RASGRF2: variants seen among roughly 807,000 people sequenced by gnomAD.
The protein encoded by RASGRF2 is Ras protein specific guanine nucleotide releasing factor 2, also known as ras-specific guanine nucleotide-releasing factor 2.
RASGRF2 carries 76 observed loss-of-function variants against 151.0 expected under a neutral mutation model. The ratio of observed to expected loss-of-function variants is 0.50; its 90% CI spans 0.42 to 0.61. RASGRF2 has a LOEUF of 0.61. Ranked by LOEUF, RASGRF2 falls within the 20% of genes least tolerant of loss-of-function variation. The probability of loss-of-function intolerance (pLI) is 0.00; values close to 1 mark genes in which losing one functional copy is unlikely to be tolerated. For missense variants in RASGRF2, 1,148 were observed against 1,564.6 expected (o/e 0.73, Z 4.49); for synonymous variants, 504 against 566.5 (o/e 0.89, Z 1.57).
At chr5:81,061,592 C>G (rs957974941) in intron 2 of RASGRF2, among the ~76,000 whole-genome samples, 2 of 151,090 alleles carry the variant, frequency 1.3e-5, no homozygotes, top group South Asian at 2.1e-4. Flanking sequence ...ACTGCAGCTT[C>G]AAAATCCTGG....
At chr5:81,134,898 A>C (rs1753716422) in intron 17 of RASGRF2, among the ~76,000 whole-genome samples, 1 of 152,194 alleles carries the variant, frequency 6.6e-6, no homozygotes, top group Non-Finnish European at 1.5e-5. Flanking sequence ...ATCATGTTAG[A>C]AAATCTTTTT....
chr5:81,135,945 T>C (rs1003592663), intron 17 of RASGRF2, among the ~76,000 whole-genome samples: 4 of 152,202 alleles, frequency 2.6e-5, no homozygotes, highest in Non-Finnish European at 5.9e-5. Context: ...GTAGTCCCAA[T>C]TCTTCCCTTG....
Position 81,112,295 on chromosome 5 carries a change from C to T in RASGRF2, c.1839-315C>T, listed in dbSNP as rs116039436. 3.7e-3 allele frequency among the ~76,000 whole-genome samples: 570 copies of T among 152,220 alleles called. 6 individuals carry two copies. The highest frequency in any genetic ancestry group is 0.012 in the African/African-American group (503 of 41,522). ...TTTTAAAATACAGGATAACGTTTTA[C>T]GTAATATTCACATTGTTTTAAGTAT... On this transcript the variant is annotated intron_variant, in intron 13 of 26. Transcript: ENST00000265080.
At chr5:81,007,208 G>A (rs1191984051) in intron 1 of RASGRF2, among the ~76,000 whole-genome samples, 2 of 152,202 alleles carry the variant, frequency 1.3e-5, no homozygotes, top group East Asian at 3.9e-4. Context: ...CCTGCAGAAG[G>A]TGAAGGGGAG....
intron 1 of RASGRF2, among the ~76,000 whole-genome samples, chr5:81,038,792 T>C (rs2112385260): frequency 6.6e-6 from 1 of 152,186 alleles, no homozygotes; most frequent in South Asian, 2.1e-4. Context: ...CCCAGGCTGG[T>C]CTCAAGCTCC....
intron 18 of RASGRF2, among the ~76,000 whole-genome samples, chr5:81,189,608 C>G (rs1450738900): frequency 4.0e-5 from 6 of 151,752 alleles, no homozygotes; most frequent in Admixed American, 3.9e-4. Context: ...ATCCTTCCAC[C>G]TCCGCCTCCC....
chr5:81,207,018 A>AATACTGTCC, intron 20 of RASGRF2, 113 bp downstream of exon 20: 3 of 967,764 alleles, frequency 3.1e-6, no homozygotes, highest in Non-Finnish European at 4.9e-6. Context: ...CCTCTGTCCT[A>AATACTGTCC]TCTGTGAAGC....
intron 1 of RASGRF2, among the ~76,000 whole-genome samples, chr5:80,983,949 A>G (rs887571128): frequency 2.0e-5 from 3 of 152,192 alleles, no homozygotes; most frequent in African/African-American, 7.2e-5. Flanking sequence ...TGTGGTGCGT[A>G]TTATATTTCT....
chr5:81,018,556 T>C (rs1044486924), intron 1 of RASGRF2, among the ~76,000 whole-genome samples: 2 of 152,180 alleles, frequency 1.3e-5, no homozygotes, highest in Non-Finnish European at 2.9e-5. Context: ...TACTGAGATA[T>C]GTGAAGATTA....
At chr5:81,185,872 T>C (rs571384555) in intron 18 of RASGRF2, among the ~76,000 whole-genome samples, 5 of 152,206 alleles carry the variant, frequency 3.3e-5, no homozygotes, top group Non-Finnish European at 7.3e-5. Context: ...ACACCATTCT[T>C]ATAAGCAAAA....
Position 81,042,921 on chromosome 5 carries a change from G to A in RASGRF2, c.333G>A (p.Leu111=), listed in dbSNP as rs751621838. 2.5e-6 allele frequency: 4 copies of A among 1,613,098 alleles called. No individual in the cohort carries two copies. In the Admixed American group the frequency reaches 6.7e-5, roughly 27 times the overall value. The part of the protein sequence containing the change: ...VLFGHEGQKP[L]ELRCEEEQDG... ...TTGGCCATGAAGGTCAGAAGCCACT[G>A]GAGCTGCGCTGTGAGGAGGAGCAGG... The change falls in exon 2 of 27, where the codon CTG becomes CTA. Residue 111 remains leucine (L), a synonymous_variant. Coordinates refer to ENST00000265080, the MANE Select transcript of RASGRF2 (RefSeq NM_006909.3).
chr5:81,067,469 A>G (rs948959498), intron 2 of RASGRF2, among the ~76,000 whole-genome samples: 1 of 152,240 alleles, frequency 6.6e-6, no homozygotes, highest in Admixed American at 6.5e-5. Context: ...TATAATTTCT[A>G]TTTCTGTTGG....
intron 19 of RASGRF2, among the ~76,000 whole-genome samples, chr5:81,203,661 TGGCTC>T (rs1337098161): frequency 1.3e-5 from 2 of 152,210 alleles, no homozygotes; most frequent in East Asian, 1.9e-4. Context: ...GGCTAAATCT[TGGCTC>T]GGCCATTTAT....
At chr5:81,180,747 G>T (rs1276529976) in intron 18 of RASGRF2, among the ~76,000 whole-genome samples, 3 of 148,440 alleles carry the variant, frequency 2.0e-5, no homozygotes, top group Admixed American at 6.9e-5. Flanking sequence ...TCTGGTCAGG[G>T]AGTGCTTTCT....
At chr5:81,141,355 T>C (rs536773811) in intron 17 of RASGRF2, among the ~76,000 whole-genome samples, 1 of 152,300 alleles carries the variant, frequency 6.6e-6, no homozygotes, top group South Asian at 2.1e-4. Flanking sequence ...TAATCTTATC[T>C]CAAAGGTCTG....
At chr5:80,968,616 A>G (rs559626524) in intron 1 of RASGRF2, among the ~76,000 whole-genome samples, 2 of 152,322 alleles carry the variant, frequency 1.3e-5, no homozygotes, top group East Asian at 1.9e-4. Context: ...AGTTGTGAAG[A>G]CATAAAGGAG....
At chr5:81,161,294 A>AT (rs1754378016) in intron 17 of RASGRF2, among the ~76,000 whole-genome samples, 1 of 152,212 alleles carries the variant, frequency 6.6e-6, no homozygotes, top group South Asian at 2.1e-4. Flanking sequence ...AACTCTAGGC[A>AT]TTTTTGATAC....
At chr5:81,168,748 T>C (rs1324635210) in intron 17 of RASGRF2, among the ~76,000 whole-genome samples, 1 of 152,232 alleles carries the variant, frequency 6.6e-6, no homozygotes, top group Non-Finnish European at 1.5e-5. Context: ...ATTTGGACTT[T>C]TACTCCGTCA....
chr5:81,024,249 A>ATTTTTTTTTTTTTTTTTTTTTTT lies in RASGRF2; in HGVS notation c.289-18623_289-18601dup, dbSNP rs397884951. On this transcript the variant is annotated intron_variant, in intron 1 of 26. Coordinates refer to ENST00000265080, the MANE Select transcript of RASGRF2 (RefSeq NM_006909.3). Reference sequence around the variant, plus strand: ...CTCCAGGACTAGAGGTATTCATATAATTTTTTTTTTTTTTTTTTTTTTTTT... The same window carrying ATTTTTTTTTTTTTTTTTTTTTTT: ...CTCCAGGACTAGAGGTATTCATATAATTTTTTTTTTTTTTTTTTTTTTTTTTTTTTTTTTTTTTTTTTTTTTTT... Among the ~76,000 whole-genome samples the ATTTTTTTTTTTTTTTTTTTTTTT allele has an allele frequency of 3.9e-4, 28 of 71,688 alleles. 1 individual carries two copies. Among genetic ancestry groups the ATTTTTTTTTTTTTTTTTTTTTTT allele is most frequent in the South Asian group, 5.5e-4 (1 of 1,832 alleles). 47.0% of individuals were successfully genotyped at this position (71,688 alleles called of 152,430 possible). A position where few individuals can be genotyped will look rare whatever the true frequency, so the allele number is the denominator to read the frequency against.
Sources: allele counts gnomAD v4.1 joint callset (sites outside exome capture counted in the v4.1 genomes callset), GRCh38; gene constraint gnomAD v4.1.1; transcripts MANE v1.5; gene names NCBI Gene and HGNC (gene_info 2026-07-23, HGNC 2026-07-21).